Variants in IL1R1 observed in about 807,000 individuals in gnomAD.
IL1R1 encodes the protein interleukin 1 receptor type 1, also known as interleukin-1 receptor type 1.
IL1R1 carries 22 observed loss-of-function variants against 50.2 expected under a neutral mutation model. The ratio of observed to expected loss-of-function variants is 0.44; its 90% confidence interval spans 0.31 to 0.63. IL1R1 has a LOEUF of 0.63. Among genes scored for constraint, IL1R1 ranks in the 20% least tolerant of loss-of-function variants. IL1R1 has a pLI of 0.07. For missense variants in IL1R1, 509 were observed against 676.2 expected (o/e 0.75, Z 2.74); for synonymous variants, 251 against 236.7 (o/e 1.06, Z -0.55).
chr2:102,168,465 C>G, intron 6 of IL1R1, 133 bp from the exon 7 acceptor site: 1 of 731,844 alleles, frequency 1.4e-6, no homozygotes, highest in Non-Finnish European at 2.5e-6. Context: ...CTCCTGTCTC[C>G]TGGCATATGT....
At chr2:102,103,990 G>GAAA (rs72041212), upstream of IL1R1, among the ~76,000 whole-genome samples, 137 of 83,188 alleles carry the variant, frequency 1.6e-3, 7 homozygotes, top group Non-Finnish European at 2.0e-3. Flanking sequence ...GACTGTCTCA[G>GAAA]AAAAAAAAAA....
chr2:102,155,658 A>G (rs910341695), intron 2 of IL1R1, among the ~76,000 whole-genome samples: 1 of 152,094 alleles, frequency 6.6e-6, no homozygotes. Flanking sequence ...TGCTGAGAGG[A>G]CAGGGCCACT....
chr2:102,124,333 T>A (rs1461220471), intron 1 of IL1R1, among the ~76,000 whole-genome samples: 1 of 151,836 alleles, frequency 6.6e-6, no homozygotes, highest in African/African-American at 2.4e-5. Flanking sequence ...GGCAGGAGAA[T>A]CGCTTGAACC....
upstream of IL1R1, among the ~76,000 whole-genome samples, chr2:102,101,762 G>A (rs1284638637): frequency 6.6e-6 from 1 of 152,210 alleles, no homozygotes; most frequent in Non-Finnish European, 1.5e-5. Context: ...AATTGTGTTA[G>A]AATGACGTCT....
In IL1R1 at chr2:102,168,660, T is replaced by C; in HGVS notation, c.718T>C (p.Leu240=). Residue 240 remains leucine (L), a synonymous_variant, in exon 7 of 12, where the codon TTG becomes CTG. Transcript: ENST00000410023. ...AGCTAATGAGACAATGGAAGTAGAC[T>C]TGGGTAAGTGGGCTTCAGTGAGGGT... ...SPANETMEVD[L]GSQIQLICNV... is the part of the protein sequence containing the mutation. 6.2e-7 allele frequency: 1 copy of C among 1,613,054 alleles called. No individual in the cohort carries two copies. The highest frequency in any genetic ancestry group is 1.3e-5 in the African/African-American group (1 of 74,920).
At chr2:102,164,705 G>C in intron 3 of IL1R1, 69 bp from the exon 4 acceptor site, 1 of 953,328 alleles carries the variant, frequency 1.0e-6, no homozygotes, top group Non-Finnish European at 1.6e-6. Context: ...GTGTTTCTTC[G>C]TAGATATTAA....
intron 7 of IL1R1, among the ~76,000 whole-genome samples, chr2:102,169,708 G>A (rs895966412): frequency 6.6e-6 from 1 of 152,136 alleles, no homozygotes; most frequent in Non-Finnish European, 1.5e-5. Context: ...TATTTATGGT[G>A]GAAGGTGGTA....
chr2:102,161,268 A>G (rs971061413), intron 3 of IL1R1, among the ~76,000 whole-genome samples: 1 of 152,134 alleles, frequency 6.6e-6, no homozygotes, highest in Non-Finnish European at 1.5e-5. Flanking sequence ...TTGATTTCTA[A>G]TCTAATTCCA....
Position 102,168,673 on chromosome 2 carries a change from CT to C in IL1R1, c.721+12del. ...ATGGAAGTAGACTTGGGTAAGTGGG[CT>C]TCAGTGAGGGTATGCTGGAATCGGT... On this transcript the variant is annotated intron_variant, in intron 7 of 11. Coordinates refer to ENST00000410023, the MANE Select transcript of IL1R1 (RefSeq NM_000877.4). 6.3e-7 allele frequency: 1 copy of C among 1,599,156 alleles called. No individual in the cohort carries two copies. Among genetic ancestry groups the C allele is most frequent in the Non-Finnish European group, 8.6e-7 (1 of 1,167,674 alleles).
chr2:102,176,769 G>T lies in IL1R1; in HGVS notation c.*10G>T, dbSNP rs1356355708. 1 of 1,610,702 alleles carries T rather than the reference G, an allele frequency of 6.2e-7. No individual in the cohort carries two copies. The highest frequency in any genetic ancestry group is 2.2e-5 in the East Asian group (1 of 44,806). On this transcript the variant is annotated 3_prime_UTR_variant, in exon 12 of 12. Transcript: ENST00000410023. ...CGTGCCTCTCGGGTAGCATGGAGAA[G>T]TTGCCAAGAGTTCTTTAGGTGCCTC...
At chr2:102,128,650 A>G (rs910154705) in intron 1 of IL1R1, among the ~76,000 whole-genome samples, 9 of 152,200 alleles carry the variant, frequency 5.9e-5, no homozygotes, top group African/African-American at 1.7e-4. Flanking sequence ...GTTGGGCTCC[A>G]TTGCCTATGC....
intron 1 of IL1R1, among the ~76,000 whole-genome samples, chr2:102,091,095 G>C (rs963491615): frequency 1.3e-5 from 2 of 152,066 alleles, no homozygotes; most frequent in Admixed American, 6.6e-5. Flanking sequence ...TGTTGCCTTA[G>C]TTCCAAAAAA....
intron 2 of IL1R1, among the ~76,000 whole-genome samples, chr2:102,155,850 G>A (rs1684137562): frequency 1.3e-5 from 2 of 152,170 alleles, no homozygotes; most frequent in Admixed American, 1.3e-4. Context: ...TCCCTGCCTT[G>A]TGGTACAGGC....
intron 6 of IL1R1, among the ~76,000 whole-genome samples, chr2:102,168,004 G>T (rs1685350359): frequency 6.6e-6 from 1 of 151,742 alleles, no homozygotes; most frequent in South Asian, 2.1e-4. Flanking sequence ...TTTTTTGATT[G>T]GGGGAATACC....
intron 1 of IL1R1, among the ~76,000 whole-genome samples, chr2:102,120,551 C>T (rs1681349193): frequency 6.6e-6 from 1 of 152,240 alleles, no homozygotes; most frequent in East Asian, 1.9e-4. Flanking sequence ...ACAGGGTCTG[C>T]GTTGTGTTCA....
At chr2:102,139,725 C>G (rs1682536817), upstream of IL1R1, among the ~76,000 whole-genome samples, 1 of 152,204 alleles carries the variant, frequency 6.6e-6, no homozygotes, top group South Asian at 2.1e-4. Flanking sequence ...TCCTCCTGCT[C>G]TGGCCACGTG....
At chr2:102,157,849 G>A (rs545544468) in intron 3 of IL1R1, 64 bp downstream of exon 3, 18 of 1,055,134 alleles carry the variant, frequency 1.7e-5, no homozygotes, top group Middle Eastern at 4.8e-4. Context: ...AATACATGAA[G>A]TACCTTCCCT....
At chr2:102,164,672 A>G in intron 3 of IL1R1, 102 bp from the exon 4 acceptor site, 1 of 728,290 alleles carries the variant, frequency 1.4e-6, no homozygotes, top group Admixed American at 2.6e-5. Flanking sequence ...ATGTAATGTG[A>G]ATTGATGTAT....
At chr2:102,110,938 T>C (rs1056973622) in intron 1 of IL1R1, among the ~76,000 whole-genome samples, 3 of 152,030 alleles carry the variant, frequency 2.0e-5, no homozygotes, top group African/African-American at 2.4e-5. Flanking sequence ...AGCCTGGTGA[T>C]TGGGACGGCT....
Sources: gnomAD v4.1 joint callset for allele counts (sites outside exome capture counted in the v4.1 genomes callset) on GRCh38, gnomAD v4.1.1 for gene constraint, MANE v1.5 for transcripts, NCBI Gene and HGNC (gene_info 2026-07-23, HGNC 2026-07-21) for gene names.